COL28A1: variants seen among roughly 807,000 people sequenced by gnomAD.
COL28A1 encodes the protein collagen type XXVIII alpha 1 chain.
In COL28A1, 161 loss-of-function variants were observed where a neutral mutation model predicts 150.2. The observed-to-expected ratio is 1.07, with a 90% CI of 0.94 to 1.22. COL28A1 has a LOEUF of 1.22. Among genes scored for constraint, COL28A1 ranks in the 50% most tolerant of loss-of-function variants. The probability of loss-of-function intolerance (pLI) is 0.00; values close to 1 mark genes in which losing one functional copy is unlikely to be tolerated. For synonymous variants in COL28A1, 552 were observed against 469.7 expected (o/e 1.18, Z -2.26); for missense variants, 1,617 against 1,388.3 (o/e 1.16, Z -2.62).
chr7:7,368,490 G>A (rs189348669), intron 33 of COL28A1, among the ~76,000 whole-genome samples: 147 of 151,898 alleles, frequency 9.7e-4, no homozygotes, highest in African/African-American at 2.8e-3. Flanking sequence ...CCTCTGTGAT[G>A]CCTTATGTAA....
At chr7:7,431,795 G>A (rs757562323) in intron 25 of COL28A1, 7 of 292,578 alleles carry the variant, frequency 2.4e-5, no homozygotes, top group African/African-American at 4.4e-5. Flanking sequence ...TACAGCCCAC[G>A]TAAGAGATGA....
At chr7:7,441,886 C>T (rs192171903) in intron 20 of COL28A1, among the ~76,000 whole-genome samples, 4 of 151,832 alleles carry the variant, frequency 2.6e-5, no homozygotes, top group East Asian at 1.9e-4. Context: ...GCAGTGGCAC[C>T]GGTGTAAAAA....
chr7:7,474,087 A>G (rs1041288848), intron 15 of COL28A1, among the ~76,000 whole-genome samples: 3 of 138,562 alleles, frequency 2.2e-5, no homozygotes, highest in African/African-American at 3.2e-5. Context: ...ATATATATAT[A>G]TGTGATGGAA....
chr7:7,531,796 A>G lies in COL28A1; in HGVS notation c.233T>C (p.Ile78Thr), dbSNP rs1294389445. 2 of 1,605,094 alleles carry G rather than the reference A, an allele frequency of 1.2e-6. No homozygotes were observed. Among genetic ancestry groups the G allele is most frequent in the South Asian group, 2.2e-5 (2 of 90,898 alleles). The change falls in exon 3 of 35, where the codon ATT (isoleucine) becomes ACT (threonine). Residue 78 changes from isoleucine to threonine, a missense_variant. Transcript: ENST00000399429. ...GGAGCGACCAGGAGTCAATTGGAAA[A>G]TCTTGTCACTCAAGCTATCCACAAA... is the stretch of plus-strand genomic sequence containing the variant. ...KDFVDSLSDK[I>T]FQLTPGRSLE...
At chr7:7,532,221 A>G (rs1396766506) in intron 2 of COL28A1, among the ~76,000 whole-genome samples, 1 of 152,166 alleles carries the variant, frequency 6.6e-6, no homozygotes, top group Admixed American at 6.6e-5. Flanking sequence ...TTAAAAATCC[A>G]ACTAACACTG....
At chr7:7,519,944 A>T (rs1002352964) in intron 6 of COL28A1, 118 bp downstream of exon 6, 35 of 588,026 alleles carry the variant, frequency 6.0e-5, no homozygotes, top group Non-Finnish European at 9.0e-5. Context: ...TATTCTTCAC[A>T]AAAGTTGTCA....
At chr7:7,449,624 A>G (rs1786526756) in intron 18 of COL28A1, among the ~76,000 whole-genome samples, 1 of 152,008 alleles carries the variant, frequency 6.6e-6, no homozygotes, top group Admixed American at 6.5e-5. Context: ...TGAAAAAGCA[A>G]GAGATTCCAC....
chr7:7,531,169 TTGTC>T (rs1782328972), intron 3 of COL28A1, among the ~76,000 whole-genome samples, 175 bp downstream of exon 3: 1 of 152,186 alleles, frequency 6.6e-6, no homozygotes, highest in Non-Finnish European at 1.5e-5. Context: ...CTTTTCCAGA[TTGTC>T]TGGAGTAAAC....
intron 27 of COL28A1, among the ~76,000 whole-genome samples, chr7:7,389,481 C>T (rs915025570): frequency 2.0e-5 from 3 of 152,124 alleles, no homozygotes; most frequent in African/African-American, 4.8e-5. Flanking sequence ...GTTATGTGAG[C>T]TCTTTTTTGA....
intron 18 of COL28A1, among the ~76,000 whole-genome samples, chr7:7,447,180 G>A (rs1438448570): frequency 6.6e-6 from 1 of 152,056 alleles, no homozygotes; most frequent in African/African-American, 2.4e-5. Context: ...AGACCCAAAT[G>A]GGTCAATCTG....
intron 27 of COL28A1, among the ~76,000 whole-genome samples, chr7:7,401,934 T>A (rs1441857308): frequency 6.6e-6 from 1 of 152,206 alleles, no homozygotes; most frequent in Non-Finnish European, 1.5e-5. Context: ...CAAAATTTAT[T>A]CTATCCATTG....
intron 4 of COL28A1, among the ~76,000 whole-genome samples, chr7:7,523,808 G>A (rs891920162): frequency 6.6e-6 from 1 of 152,098 alleles, no homozygotes; most frequent in African/African-American, 2.4e-5. Context: ...AAGTCAATTG[G>A]CAGGCAGCAG....
At chr7:7,529,559 A>G (rs1583580495) in intron 3 of COL28A1, among the ~76,000 whole-genome samples, 1 of 152,326 alleles carries the variant, frequency 6.6e-6, no homozygotes, top group South Asian at 2.1e-4. Flanking sequence ...GCCCAGGAAC[A>G]GACAAACAAT....
At position 7,360,425 on chromosome 7, in the gene COL28A1, C is replaced by A; in HGVS notation, c.3170G>T (p.Arg1057Met). 6.2e-7 allele frequency: 1 copy of A among 1,607,370 alleles called. No individual in the cohort carries two copies. Among genetic ancestry groups the A allele is most frequent in the Non-Finnish European group, 8.5e-7 (1 of 1,178,146 alleles). ...TTSSEATTTP[R>M]PLLSTPVDGA... is the part of the protein sequence containing the mutation. ...ATCCACAGGGGTGCTGAGCAGTGGC[C>A]TGGGGGTGGTGGTGGCCTCAGATGA... The change falls in exon 34 of 35, where the codon AGG becomes ATG. Residue 1057 changes from arginine to methionine, a missense_variant. Physicochemically the swap from Arg to Met is moderately conservative, Grantham distance 91. Coordinates refer to ENST00000399429, the MANE Select transcript of COL28A1 (RefSeq NM_001037763.3).
intron 3 of COL28A1, among the ~76,000 whole-genome samples, chr7:7,525,167 T>G (rs1042987686): frequency 6.6e-6 from 1 of 152,208 alleles, no homozygotes; most frequent in Non-Finnish European, 1.5e-5. Flanking sequence ...TGCTTTGCAA[T>G]AAGGAAACAT....
intron 13 of COL28A1, among the ~76,000 whole-genome samples, chr7:7,477,530 C>T (rs372867463): frequency 3.7e-4 from 57 of 152,330 alleles, no homozygotes; most frequent in South Asian, 1.7e-3. Context: ...AATGAAGCCG[C>T]GGACCCTCGC....
chr7:7,380,998 G>C (rs1562506508), intron 28 of COL28A1, 136 bp from the exon 29 acceptor site: 2 of 700,858 alleles, frequency 2.9e-6, no homozygotes, highest in African/African-American at 3.6e-5. Flanking sequence ...TGCAGTATTT[G>C]AAAAAAAATT....
chr7:7,489,915 T>C (rs1193776092), intron 12 of COL28A1, among the ~76,000 whole-genome samples: 1 of 152,184 alleles, frequency 6.6e-6, no homozygotes, highest in Non-Finnish European at 1.5e-5. Flanking sequence ...CAGCATAAAC[T>C]CCACCTTTCC....
the COL28A1 span, among the ~76,000 whole-genome samples, chr7:7,350,438 G>A: frequency 6.6e-6 from 1 of 152,044 alleles, no homozygotes; most frequent in Admixed American, 6.6e-5. Flanking sequence ...CTAAGATAAT[G>A]CTCCAAAATT....
Sources: allele counts gnomAD v4.1 joint callset (sites outside exome capture counted in the v4.1 genomes callset), GRCh38; gene constraint gnomAD v4.1.1; transcripts MANE v1.5; gene names NCBI Gene and HGNC (gene_info 2026-07-23, HGNC 2026-07-21).